The following CDH18 variants were observed in gnomAD, a reference collection of about 807,000 sequenced individuals.
The protein encoded by CDH18 is cadherin-18.
Under a neutral mutation model 67.9 loss-of-function variants are expected in CDH18, and 31 were observed. That is an observed-to-expected ratio of 0.46 (90% CI 0.34 to 0.62). The LOEUF is 0.62. CDH18 is among the 20% of genes least tolerant of loss of function. The pLI is 0.01. For missense variants in CDH18, 890 were observed against 975.5 expected (o/e 0.91, Z 1.17); for synonymous variants, 362 against 347.2 (o/e 1.04, Z -0.48).
intron 3 of CDH18, among the ~76,000 whole-genome samples, chr5:19,817,722 A>G (rs1346380260): frequency 1.3e-5 from 2 of 152,078 alleles, no homozygotes; most frequent in Non-Finnish European, 2.9e-5. Context: ...TAAAGATACA[A>G]TAATTCCAGA....
intron 5 of CDH18, among the ~76,000 whole-genome samples, chr5:19,641,791 C>CT (rs1453521536): frequency 2.6e-5 from 4 of 151,902 alleles, no homozygotes; most frequent in African/African-American, 9.7e-5. Context: ...CTCATTATTT[C>CT]TTTTCAACTT....
In CDH18 at chr5:20,024,617, A is replaced by G. The variant is rs572879912; in HGVS notation, c.-517-32603T>C. Reference sequence around the variant, plus strand: ...ATACGAGAATAAAAAAGAGAATGATAAGTCGTTTGGAATGACATGCACTAC... The same window carrying G: ...ATACGAGAATAAAAAAGAGAATGATGAGTCGTTTGGAATGACATGCACTAC... On this transcript the variant is annotated intron_variant, in intron 2 of 14. Transcript: ENST00000507958. Among the ~76,000 whole-genome samples, 4 of 152,284 alleles carry G rather than the reference A, an allele frequency of 2.6e-5. No homozygotes were observed. The East Asian group carries it at 5.8e-4, about 22-fold the overall frequency.
chr5:20,232,473 G>A (rs1475895384), intron 2 of CDH18, among the ~76,000 whole-genome samples: 1 of 152,078 alleles, frequency 6.6e-6, no homozygotes, highest in East Asian at 1.9e-4. Flanking sequence ...TGCCATTAGA[G>A]TTATTTTTAG....
intron 4 of CDH18, among the ~76,000 whole-genome samples, chr5:19,743,648 C>T (rs766564278): frequency 6.6e-6 from 1 of 152,154 alleles, no homozygotes; most frequent in African/African-American, 2.4e-5. Context: ...TGGCCAGACA[C>T]AGTGGCTCAC....
intron 1 of CDH18, among the ~76,000 whole-genome samples, chr5:20,450,499 T>C: frequency 6.6e-6 from 1 of 152,154 alleles, no homozygotes; most frequent in Non-Finnish European, 1.5e-5. Flanking sequence ...TAAAAATGCA[T>C]TGTAATGCAT....
chr5:19,610,000 C>G (rs527978016), intron 6 of CDH18, among the ~76,000 whole-genome samples: 2 of 152,066 alleles, frequency 1.3e-5, no homozygotes, highest in Non-Finnish European at 2.9e-5. Flanking sequence ...TTAAAGAGCA[C>G]TTTACTACAA....
chr5:19,734,341 G>C (rs1341302897), intron 4 of CDH18, among the ~76,000 whole-genome samples: 1 of 152,154 alleles, frequency 6.6e-6, no homozygotes, highest in Non-Finnish European at 1.5e-5. Context: ...TCCAAAGCAG[G>C]AGTAACTGCA....
chr5:19,559,372 C>T (rs190948207), intron 8 of CDH18, among the ~76,000 whole-genome samples: 1,674 of 151,962 alleles, frequency 0.011, 10 homozygotes, highest in Non-Finnish European at 0.018. Context: ...GGTTTAATAT[C>T]CACGAGTCAA....
At chr5:19,852,896 C>T (rs1437980514) in intron 2 of CDH18, among the ~76,000 whole-genome samples, 1 of 151,634 alleles carries the variant, frequency 6.6e-6, no homozygotes, top group Non-Finnish European at 1.5e-5. Flanking sequence ...GAAAACTGCA[C>T]TTATAAATGG....
At chr5:19,593,766 T>TCTTCTTCTTCTTCTTC (rs1554055043) in intron 6 of CDH18, among the ~76,000 whole-genome samples, 5 of 149,080 alleles carry the variant, frequency 3.4e-5, no homozygotes, top group Admixed American at 6.7e-5. Context: ...CTTCTTTCCT[T>TCTTCTTCTTCTTCTTC]TTATTATTGA....
intron 5 of CDH18, among the ~76,000 whole-genome samples, chr5:19,616,779 C>T (rs1204669776): frequency 1.3e-5 from 2 of 152,104 alleles, no homozygotes; most frequent in Admixed American, 6.6e-5. Flanking sequence ...TCTCACACTT[C>T]CAGAAGCTAG....
intron 11 of CDH18, among the ~76,000 whole-genome samples, chr5:19,498,215 C>A (rs567994399): frequency 1.5e-4 from 23 of 152,244 alleles, no homozygotes; most frequent in African/African-American, 5.1e-4. Flanking sequence ...ATAAATACGT[C>A]TTTTCAACCT....
At chr5:20,181,762 TTC>T (rs986351174) in intron 2 of CDH18, among the ~76,000 whole-genome samples, 9 of 152,130 alleles carry the variant, frequency 5.9e-5, no homozygotes, top group African/African-American at 1.9e-4. Context: ...TGTTTGTGTC[TTC>T]TCATATTAAA....
At chr5:20,422,213 CT>C (rs34443960) in intron 1 of CDH18, among the ~76,000 whole-genome samples, 19,275 of 150,606 alleles carry the variant, frequency 0.13, 4,173 homozygotes, top group African/African-American at 0.41. Flanking sequence ...AGCCTTTTAA[CT>C]TTTTTGTAAC....
At chr5:19,473,780 AC>A in intron 12 of CDH18, 64 bp from the exon 13 acceptor site, 1 of 1,347,286 alleles carries the variant, frequency 7.4e-7, no homozygotes, top group South Asian at 1.4e-5. Context: ...TAGAGATTTT[AC>A]AACAGCAATT....
At chr5:19,640,404 A>T (rs1254025711) in intron 5 of CDH18, among the ~76,000 whole-genome samples, 2 of 152,284 alleles carry the variant, frequency 1.3e-5, no homozygotes, top group Admixed American at 1.3e-4. Flanking sequence ...AAAATAGAAG[A>T]TATTTTATGT....
At chr5:19,563,471 C>T (rs1006794504) in intron 8 of CDH18, among the ~76,000 whole-genome samples, 8 of 152,142 alleles carry the variant, frequency 5.3e-5, no homozygotes, top group African/African-American at 1.7e-4. Flanking sequence ...GCTACATTCC[C>T]AAAAGCTCTC....
chr5:20,238,025 G>C (rs1742607034), intron 2 of CDH18, among the ~76,000 whole-genome samples: 1 of 151,836 alleles, frequency 6.6e-6, no homozygotes, highest in Non-Finnish European at 1.5e-5. Context: ...ATTGATTTTT[G>C]ACAAACATGC....
intron 3 of CDH18, among the ~76,000 whole-genome samples, chr5:19,750,490 G>T (rs989274278): frequency 2.0e-5 from 3 of 152,044 alleles, no homozygotes; most frequent in African/African-American, 7.2e-5. Flanking sequence ...CTTGAATAGA[G>T]ATAATCAGTT....
Sources: allele counts gnomAD v4.1 joint callset (sites outside exome capture counted in the v4.1 genomes callset), GRCh38; gene constraint gnomAD v4.1.1; transcripts MANE v1.5; gene names NCBI Gene and HGNC (gene_info 2026-07-23, HGNC 2026-07-21).